MAPRE1: variants seen among roughly 807,000 people sequenced by gnomAD.
MAPRE1 encodes microtubule-associated protein RP/EB family member 1.
Under a neutral mutation model 32.1 loss-of-function variants are expected in MAPRE1, and 5 were observed. The ratio of observed to expected loss-of-function variants is 0.16; its 90% CI spans 0.08 to 0.33. The LOEUF is 0.33. MAPRE1 is among the 10% of genes least tolerant of loss of function. MAPRE1 has a pLI of 1.00. For missense variants in MAPRE1, 209 were observed against 327.2 expected (o/e 0.64, Z 2.79); for synonymous variants, 122 against 118.9 (o/e 1.03, Z -0.17).
Position 32,824,816 on chromosome 20 carries a change from G to A in MAPRE1, c.-3-1109G>A, listed in dbSNP as rs940646692. 1.5e-4 allele frequency among the ~76,000 whole-genome samples: 22 copies of A among 151,234 alleles called. 1 individual carries two copies. In the East Asian group the frequency reaches 4.3e-3, roughly 30 times the overall value. ...TGCCTGGCCTAGGTATAGTCTTTAA[G>A]GAAAATTTGGGAAGTAGTGAAAACT... On this transcript the variant is annotated intron_variant, in intron 1 of 6. Transcript: ENST00000375571.
intron 4 of MAPRE1, among the ~76,000 whole-genome samples, chr20:32,838,572 G>T (rs1983265069): frequency 6.6e-6 from 1 of 152,180 alleles, no homozygotes. Context: ...TTAACCTTTT[G>T]CAGAACTACC....
At chr20:32,848,216 T>G (rs920933637) in intron 6 of MAPRE1, among the ~76,000 whole-genome samples, 1 of 151,904 alleles carries the variant, frequency 6.6e-6, no homozygotes, top group Non-Finnish European at 1.5e-5. Context: ...TTGGCTAGTT[T>G]TTTTTTTTTT....
At chr20:32,831,422 C>T (rs565388778) in intron 2 of MAPRE1, among the ~76,000 whole-genome samples, 32 of 149,184 alleles carry the variant, frequency 2.1e-4, no homozygotes, top group Admixed American at 8.7e-4. Context: ...TTTTTTTATT[C>T]CTGTACAATT....
chr20:32,826,214 CTTTTTTTTTTTTT>C, intron 2 of MAPRE1, among the ~76,000 whole-genome samples, 166 bp downstream of exon 2: 2 of 108,918 alleles, frequency 1.8e-5, no homozygotes, highest in Middle Eastern at 4.3e-3. Context: ...TCCAAAGGAA[CTTTTTTTTTTTTT>C]TTTTTTTTTG....
chr20:32,846,524 C>A, intron 5 of MAPRE1, 94 bp from the exon 6 acceptor site: 1 of 1,223,236 alleles, frequency 8.2e-7, no homozygotes, highest in Non-Finnish European at 1.2e-6. Flanking sequence ...GGGGTTTGAT[C>A]AAAGACCACA....
intron 1 of MAPRE1, among the ~76,000 whole-genome samples, chr20:32,823,796 A>G (rs1982767617): frequency 6.6e-6 from 1 of 152,170 alleles, no homozygotes; most frequent in African/African-American, 2.4e-5. Flanking sequence ...AGATGAGTCA[A>G]GAGGATGGCT....
At chr20:32,831,313 C>T (rs375364538) in intron 2 of MAPRE1, among the ~76,000 whole-genome samples, 27 of 152,120 alleles carry the variant, frequency 1.8e-4, no homozygotes, top group African/African-American at 5.3e-4. Context: ...GAATCATACT[C>T]GCATAAAAGT....
chr20:32,840,499 T>C (rs967514576), intron 5 of MAPRE1, among the ~76,000 whole-genome samples: 1 of 152,212 alleles, frequency 6.6e-6, no homozygotes, highest in Admixed American at 6.5e-5. Context: ...AAAGTTTTTT[T>C]AATAAAATAG....
intron 2 of MAPRE1, among the ~76,000 whole-genome samples, chr20:32,832,133 A>C (rs1266874819): frequency 6.6e-6 from 1 of 152,190 alleles, no homozygotes; most frequent in Non-Finnish European, 1.5e-5. Context: ...ACGGTAACCG[A>C]ACATGCTGGA....
chr20:32,825,878 C>G (rs762941804), intron 1 of MAPRE1, 47 bp from the exon 2 acceptor site: 2 of 1,507,750 alleles, frequency 1.3e-6, no homozygotes, highest in East Asian at 2.3e-5. Context: ...ACCTTACTTG[C>G]ATGCCTAATG....
chr20:32,836,471 A>T (rs762446953), intron 3 of MAPRE1, among the ~76,000 whole-genome samples, 163 bp from the exon 4 acceptor site: 1 of 152,200 alleles, frequency 6.6e-6, no homozygotes, highest in South Asian at 2.1e-4. Context: ...CTTGAAGGCA[A>T]ACTGCATGAA....
At chr20:32,820,290 C>T (rs1013992788) in intron 1 of MAPRE1, among the ~76,000 whole-genome samples, 6 of 152,028 alleles carry the variant, frequency 3.9e-5, no homozygotes, top group African/African-American at 1.4e-4. Context: ...TCTGGGCCGC[C>T]GCTGAGGTGT....
chr20:32,838,274 C>T (rs574404164), intron 4 of MAPRE1, among the ~76,000 whole-genome samples: 45 of 152,154 alleles, frequency 3.0e-4, no homozygotes, highest in Non-Finnish European at 4.7e-4. Context: ...TTCTTTTGCT[C>T]AGCCTGCTGT....
intron 2 of MAPRE1, among the ~76,000 whole-genome samples, chr20:32,831,634 G>A (rs1253562707): frequency 2.0e-5 from 3 of 151,576 alleles, no homozygotes; most frequent in Non-Finnish European, 2.9e-5. Flanking sequence ...TCGGGTTAAA[G>A]CGATTCTCCT....
At chr20:32,839,909 C>A (rs551823494) in intron 5 of MAPRE1, 53 bp downstream of exon 5, 2 of 1,606,504 alleles carry the variant, frequency 1.2e-6, no homozygotes, top group African/African-American at 1.3e-5. Context: ...AGGATCCTTG[C>A]GGTGGCCAGG....
At chr20:32,836,537 C>T in intron 3 of MAPRE1, 97 bp from the exon 4 acceptor site, 2 of 715,536 alleles carry the variant, frequency 2.8e-6, no homozygotes, top group Admixed American at 2.8e-5. Flanking sequence ...ATTTTTTTCT[C>T]CTTTTGGCAG....
At chr20:32,833,967 T>C (rs1983112318) in intron 3 of MAPRE1, 105 bp downstream of exon 3, 1 of 1,150,912 alleles carries the variant, frequency 8.7e-7, no homozygotes, top group Non-Finnish European at 1.2e-6. Context: ...TTTTCTTAAT[T>C]TATCTAGTTA....
chr20:32,825,162 A>AAG (rs1370189684), intron 1 of MAPRE1, among the ~76,000 whole-genome samples: 4 of 151,060 alleles, frequency 2.6e-5, no homozygotes, highest in South Asian at 4.2e-4. Context: ...AAAAAAAAAA[A>AAG]AAAGAAAGAA....
intron 5 of MAPRE1, among the ~76,000 whole-genome samples, chr20:32,841,151 C>T (rs1983349646): frequency 6.6e-6 from 1 of 152,152 alleles, no homozygotes; most frequent in African/African-American, 2.4e-5. Flanking sequence ...TGTGTGTGCC[C>T]CGTGGTCTTA....
Sources: allele counts gnomAD v4.1 joint callset (sites outside exome capture counted in the v4.1 genomes callset), GRCh38; gene constraint gnomAD v4.1.1; transcripts MANE v1.5; gene names NCBI Gene and HGNC (gene_info 2026-07-23, HGNC 2026-07-21).